Variants in EPS15L1 observed in about 807,000 individuals in gnomAD.
The protein encoded by EPS15L1 is epidermal growth factor receptor substrate 15-like 1.
EPS15L1 carries 43 observed loss-of-function variants against 117.1 expected under a neutral mutation model. The ratio of observed to expected loss-of-function variants is 0.37; its 90% CI spans 0.29 to 0.47. The LOEUF (loss-of-function observed/expected upper bound fraction) is 0.47, where lower values mean the gene tolerates loss of function less well. Among genes scored for constraint, EPS15L1 ranks in the 20% least tolerant of loss-of-function variants. The probability of loss-of-function intolerance (pLI) is 0.99; values close to 1 mark genes in which losing one functional copy is unlikely to be tolerated. For synonymous variants in EPS15L1, 459 were observed against 470.5 expected, an observed-to-expected ratio of 0.98 and a Z score of 0.32; for missense variants, 981 against 1,164.0, an observed-to-expected ratio of 0.84 and a Z score of 2.29.
chr19:16,412,974 A>T, intron 13 of EPS15L1: 1 of 672,492 alleles, frequency 1.5e-6, no homozygotes, highest in Non-Finnish European at 2.7e-6. Flanking sequence ...ATCTGAGATC[A>T]TTGACTTTTG....
chr19:16,453,886 T>TAA (rs11289907), intron 1 of EPS15L1, among the ~76,000 whole-genome samples: 60 of 136,676 alleles, frequency 4.4e-4, no homozygotes, highest in Admixed American at 1.2e-3. Flanking sequence ...AGAATTCCTA[T>TAA]AAAAAAAAAA....
intron 22 of EPS15L1, among the ~76,000 whole-genome samples, chr19:16,368,370 G>A (rs962168133): frequency 2.0e-5 from 3 of 152,096 alleles, no homozygotes; most frequent in African/African-American, 7.2e-5. Flanking sequence ...CTACACAACA[G>A]GAGATGGCTA....
intron 15 of EPS15L1, 127 bp downstream of exon 15, chr19:16,403,606 C>CTGG (rs2092624477): frequency 1.3e-5 from 12 of 904,964 alleles, no homozygotes; most frequent in Non-Finnish European, 1.9e-5. Flanking sequence ...GCCAGCACCA[C>CTGG]AGCCTCCCAA....
At chr19:16,468,472 A>C (rs2093322183) in intron 1 of EPS15L1, among the ~76,000 whole-genome samples, 1 of 151,828 alleles carries the variant, frequency 6.6e-6, no homozygotes, top group South Asian at 2.1e-4. Context: ...CAGCCTCCCA[A>C]GTTGCTGGGA....
rs1223776725 is a variant in EPS15L1 at position 16,404,060 on chromosome 19, G to A, written c.1429-130C>T. On this transcript the variant is annotated intron_variant, in intron 14 of 23. Coordinates refer to ENST00000455140, the MANE Select transcript of EPS15L1 (RefSeq NM_001258374.3). The surrounding 1 kb of genome is among the most constrained non-coding windows in gnomAD (Gnocchi z 4.2). ...GGACGCAGACACCTAACCCAGGCCC[G>A]ACACCTGGCTTCCTTACAGGCCTCT... 7.6e-6 allele frequency: 6 copies of A among 792,052 alleles called. No individual in the cohort carries two copies. Among genetic ancestry groups the A allele is most frequent in the Non-Finnish European group, 1.0e-5 (5 of 495,852 alleles). 49.1% of individuals were successfully genotyped at this position (792,052 alleles called of 1,614,324 possible).
rs1358632945 is a variant in EPS15L1 at position 16,394,055 on chromosome 19, C to T, written c.1916-54G>A. The T allele has an allele frequency of 2.0e-5, 31 of 1,560,984 alleles. 1 individual carries two copies. Among genetic ancestry groups the T allele is most frequent in the South Asian group, 1.2e-4 (11 of 89,986 alleles). On this transcript the variant is annotated intron_variant, in intron 17 of 23. Coordinates refer to ENST00000455140, the MANE Select transcript of EPS15L1 (RefSeq NM_001258374.3). ...TAGCTCTAGGGCACAGGATGCGGGC[C>T]GGGCCCTTGGACACAGCCACCCACC...
chr19:16,362,000 G>GA lies in EPS15L1; in HGVS notation c.2381-17dup, dbSNP rs141885889. 0.063 allele frequency: 81,535 copies of GA among 1,290,160 alleles called. 812 individuals carry two copies. The highest frequency in any genetic ancestry group is 0.073 in the Non-Finnish European group (69,927 of 960,388). The allele number at this position is 1,290,160 out of a possible 1,614,324, so 79.9% of individuals were successfully genotyped here. The stretch of plus-strand genomic sequence containing the variant: ...GTACTTTTACCTGGAAAGTTTAGGA[G>GA]AAAAAAAAAAGGAGAAAGAAAGAAA... On this transcript the variant is annotated splice_polypyrimidine_tract_variant and intron_variant, in intron 22 of 23. Transcript: ENST00000455140.
intron 13 of EPS15L1, among the ~76,000 whole-genome samples, chr19:16,410,187 A>AT (rs1312959649): frequency 6.6e-6 from 1 of 152,092 alleles, no homozygotes; most frequent in Admixed American, 6.5e-5. Flanking sequence ...TTTTTTCAAT[A>AT]TAAAAGGGCA....
chr19:16,364,468 A>C (rs2092104910), intron 22 of EPS15L1, among the ~76,000 whole-genome samples: 1 of 150,840 alleles, frequency 6.6e-6, no homozygotes. Context: ...GCCTCCTCCT[A>C]CCCCGACCTC....
intron 10 of EPS15L1, among the ~76,000 whole-genome samples, chr19:16,418,347 T>C (rs772837904): frequency 6.6e-6 from 1 of 152,118 alleles, no homozygotes; most frequent in Non-Finnish European, 1.5e-5. Context: ...GCCCCTGACC[T>C]GGGCTGAGGA....
chr19:16,422,974 G>A (rs970136409), intron 9 of EPS15L1, among the ~76,000 whole-genome samples: 5 of 150,494 alleles, frequency 3.3e-5, no homozygotes, highest in Admixed American at 2.0e-4. Flanking sequence ...AAAAAAAGGG[G>A]GGGGGGATTT....
intron 19 of EPS15L1, 78 bp downstream of exon 19, chr19:16,392,226 G>A: frequency 1.9e-6 from 3 of 1,539,944 alleles, no homozygotes; most frequent in Non-Finnish European, 2.7e-6. Flanking sequence ...ACGAAGGGAA[G>A]GGGGCCTTCG....
Position 16,403,860 on chromosome 19 carries a change from C to T in EPS15L1, c.1499G>A (p.Arg500Gln), listed in dbSNP as rs767805924. 5.6e-6 allele frequency: 9 copies of T among 1,614,110 alleles called. No homozygotes were observed. The highest frequency in any genetic ancestry group is 4.4e-5 in the South Asian group (4 of 91,086). The change falls in exon 15 of 24, where the codon CGA becomes CAA. Residue 500 changes from arginine to glutamine, a missense_variant. Arg to Gln is a conservative substitution (Grantham distance 43). This residue lies in a region of EPS15L1 where 819 missense variants were observed against 949.0 expected (regional missense o/e 0.86). Transcript: ENST00000455140. Reference sequence around the variant, plus strand: ...CAATCGGTTCAGCTCCGACTTGGCTCGGTTCAGATCGTCTTCCTGGGACTT... The same window carrying T: ...CAATCGGTTCAGCTCCGACTTGGCTTGGTTCAGATCGTCTTCCTGGGACTT... ...DLKSQEDDLN[R>Q]AKSELNRLQQ...
chr19:16,424,538 C>T (rs977842019), intron 9 of EPS15L1, among the ~76,000 whole-genome samples: 7 of 152,054 alleles, frequency 4.6e-5, no homozygotes, highest in East Asian at 1.9e-4. Flanking sequence ...AGGCTGGGCA[C>T]GGTGGCTCAC....
chr19:16,386,047 T>A, intron 20 of EPS15L1, 124 bp downstream of exon 20: 1 of 742,056 alleles, frequency 1.3e-6, no homozygotes. Context: ...AGGATCTGGG[T>A]GCCACTGACT....
At chr19:16,385,885 G>A (rs1045940526) in intron 20 of EPS15L1, among the ~76,000 whole-genome samples, 2 of 152,240 alleles carry the variant, frequency 1.3e-5, no homozygotes, top group Non-Finnish European at 2.9e-5. Flanking sequence ...ACAAACCAAA[G>A]ATTTATAAGG....
chr19:16,361,712 C>G, intron 23 of EPS15L1, 67 bp downstream of exon 23: 1 of 1,521,576 alleles, frequency 6.6e-7, no homozygotes, highest in South Asian at 1.3e-5. Flanking sequence ...TAAAAGGAGA[C>G]AAAAATCCCA....
chr19:16,444,727 GTTTT>G (rs561228808), intron 1 of EPS15L1, among the ~76,000 whole-genome samples: 1 of 140,580 alleles, frequency 7.1e-6, no homozygotes, highest in African/African-American at 2.6e-5. Context: ...TTCCAGACAA[GTTTT>G]TTTTTTTTTT....
intron 1 of EPS15L1, among the ~76,000 whole-genome samples, chr19:16,450,679 C>T (rs2093132410): frequency 6.6e-6 from 1 of 151,972 alleles, no homozygotes; most frequent in Non-Finnish European, 1.5e-5. Context: ...GACAGGGTTT[C>T]ACCATGTTGG....
Sources: gnomAD v4.1 joint callset for allele counts (sites outside exome capture counted in the v4.1 genomes callset) on GRCh38, gnomAD v4.1.1 for gene constraint, gnomAD v4.1.1 regional missense constraint, Gnocchi (gnomAD v3.1) non-coding constraint, MANE v1.5 for transcripts, NCBI Gene and HGNC (gene_info 2026-07-23, HGNC 2026-07-21) for gene names.